Variants in BTN2A2 observed in about 807,000 individuals in gnomAD.
BTN2A2 encodes the protein butyrophilin 2.
Under a neutral mutation model 34.7 loss-of-function variants are expected in BTN2A2, and 29 were observed. The ratio of observed to expected loss-of-function variants is 0.84; its 90% CI spans 0.62 to 1.14. The LOEUF (loss-of-function observed/expected upper bound fraction) is 1.14. BTN2A2 is among the 50% of genes most tolerant of loss of function. The pLI is 0.00. For synonymous variants in BTN2A2, 240 were observed against 253.1 expected, an observed-to-expected ratio of 0.95 and a Z score of 0.49; for missense variants, 612 against 651.5, an observed-to-expected ratio of 0.94 and a Z score of 0.66.
Position 26,388,089 on chromosome 6 carries a change from G to T in BTN2A2, c.519G>T (p.Gly173=), listed in dbSNP as rs751253306. ...TCTGGCTGGAGTGCATATCTGGAGG[G>T]TGGTACCCAGAGCCCCTCACAGTGT... ...GSIWLECISG[G]WYPEPLTVWR... The change falls in exon 4 of 8, where the codon GGG becomes GGT. Residue 173 remains glycine (G), a synonymous_variant. Coordinates refer to ENST00000356709, the MANE Select transcript of BTN2A2 (RefSeq NM_006995.5). 1 of 1,614,098 alleles carries T rather than the reference G, an allele frequency of 6.2e-7. No individual in the cohort carries two copies. Among genetic ancestry groups the T allele is most frequent in the South Asian group, 1.1e-5 (1 of 91,078 alleles).
chr6:26,387,025 C>T (rs1316743369), intron 3 of BTN2A2, among the ~76,000 whole-genome samples: 6 of 152,204 alleles, frequency 3.9e-5, no homozygotes, highest in South Asian at 4.1e-4. Context: ...TGGATGATCA[C>T]GCATGGCTGA....
Position 26,393,255 on chromosome 6 carries a change from G to A in BTN2A2, c.*288G>A. 1 of 1,444,410 alleles carries A rather than the reference G, an allele frequency of 6.9e-7. No individual in the cohort carries two copies. Among genetic ancestry groups the A allele is most frequent in the Non-Finnish European group, 9.1e-7 (1 of 1,096,928 alleles). The allele number at this position is 1,444,410 out of a possible 1,614,324, so 89.5% of individuals were successfully genotyped here. On this transcript the variant is annotated 3_prime_UTR_variant, in exon 8 of 8. Coordinates refer to ENST00000356709, the MANE Select transcript of BTN2A2 (RefSeq NM_006995.5). The stretch of plus-strand genomic sequence containing the variant: ...AAAAGAAAGTGAGAGAAGCTGTTGG[G>A]CAGCGAACCTACTGTTTAAAATCAG...
At chr6:26,388,807 C>G (rs1028579563) in intron 4 of BTN2A2, among the ~76,000 whole-genome samples, 1 of 152,236 alleles carries the variant, frequency 6.6e-6, no homozygotes, top group Non-Finnish European at 1.5e-5. Flanking sequence ...AAATTTCTCT[C>G]CTCAAGGAGT....
chr6:26,385,249 G>A lies in BTN2A2; in HGVS notation c.329G>A (p.Gly110Asp). 5.0e-6 allele frequency: 8 copies of A among 1,614,172 alleles called. No homozygotes were observed. Among genetic ancestry groups the A allele is most frequent in the Non-Finnish European group, 6.8e-6 (8 of 1,180,034 alleles). The stretch of plus-strand genomic sequence containing the variant: ...TTTGTGAGCAAAGACATCAACAGGG[G>A]CAGCGTGGCCCTGGTCATACATAAC... Reference protein sequence around the residue: ...ITFVSKDINRGSVALVIHNVT... With the variant: ...ITFVSKDINRDSVALVIHNVT... The change falls in exon 3 of 8, where the codon GGC (glycine) becomes GAC (aspartate). Residue 110 changes from glycine (G) to aspartate (D), a missense_variant. Transcript: ENST00000356709.
rs1178072688 is a variant in BTN2A2 at position 26,383,595 on chromosome 6, C to G, written c.-30-197C>G. The G allele has an allele frequency of 1.8e-6, 1 of 548,676 alleles. No homozygotes were observed. Among genetic ancestry groups the G allele is most frequent in the South Asian group, 2.4e-5 (1 of 41,508 alleles). 34.0% of individuals were successfully genotyped at this position (548,676 alleles called of 1,614,324 possible). ...GAAGAGGAAGGAGGAAAACGGCCCC[C>G]TTGATCTCTGCATTGATGGCTTACT... On this transcript the variant is annotated intron_variant, in intron 1 of 7. Transcript: ENST00000356709. This position sits in a 1 kb window ranked among gnomAD's most constrained non-coding sequence, Gnocchi z 4.4.
intron 7 of BTN2A2, chr6:26,391,936 A>G (rs775373495): frequency 4.2e-5 from 19 of 452,396 alleles, no homozygotes; most frequent in Non-Finnish European, 7.2e-5. Context: ...GTAATGATAG[A>G]CTCACTTAAT....
In BTN2A2 at chr6:26,383,735, C is replaced by T. The variant is rs1761005907; in HGVS notation, c.-30-57C>T. 1 of 1,410,582 alleles carries T rather than the reference C, an allele frequency of 7.1e-7. No individual in the cohort carries two copies. Among genetic ancestry groups the T allele is most frequent in the South Asian group, 1.2e-5 (1 of 86,172 alleles). The allele number at this position is 1,410,582 out of a possible 1,614,324, so 87.4% of individuals were successfully genotyped here. A position where few individuals can be genotyped will look rare whatever the true frequency, so the allele number is the denominator to read the frequency against. ...CTTGAGTGACAGGAGAGGTTGGGCC[C>T]GACCAGCACTGAGGTGCCAAGACTC... On this transcript the variant is annotated intron_variant, in intron 1 of 7. Transcript: ENST00000356709. The surrounding 1 kb of genome is among the most constrained non-coding windows in gnomAD (Gnocchi z 4.4).
At chr6:26,388,403 C>A (rs1249020455) in intron 4 of BTN2A2, 109 bp downstream of exon 4, 38 of 1,315,240 alleles carry the variant, frequency 2.9e-5, no homozygotes, top group Admixed American at 5.8e-5. Context: ...TGGTCCTGGG[C>A]CCTGAGGAGC....
chr6:26,391,930 T>C, intron 7 of BTN2A2: 1 of 439,346 alleles, frequency 2.3e-6, no homozygotes, highest in Non-Finnish European at 4.2e-6. Context: ...CAGTGTGTAA[T>C]GATAGACTCA....
intron 6 of BTN2A2, 25 bp downstream of exon 6, chr6:26,390,732 C>G: frequency 3.1e-6 from 5 of 1,614,244 alleles, no homozygotes; most frequent in Non-Finnish European, 4.2e-6. Context: ...TCCTGAACTA[C>G]TCCGTGTACA....
Position 26,393,442 on chromosome 6 carries a change from C to A in BTN2A2, c.*475C>A. The A allele has an allele frequency of 2.8e-6, 3 of 1,080,626 alleles. No homozygotes were observed. Among genetic ancestry groups the A allele is most frequent in the Non-Finnish European group, 3.4e-6 (3 of 887,976 alleles). 66.9% of individuals were successfully genotyped at this position (1,080,626 alleles called of 1,614,324 possible). A position where few individuals can be genotyped will look rare whatever the true frequency, so the allele number is the denominator to read the frequency against. On this transcript the variant is annotated 3_prime_UTR_variant, in exon 8 of 8. Transcript: ENST00000356709. ...AGATCAGAGATAGAGGAAGTGGAAC[C>A]AGAGAGCTGGGAGGGACCAAGGTTG...
In BTN2A2 at chr6:26,392,842, T is replaced by C; in HGVS notation, c.1447T>C (p.Phe483Leu). Residue 483 changes from phenylalanine to leucine, a missense_variant, in exon 8 of 8, where the codon TTC becomes CTC. Phe to Leu is a conservative substitution (Grantham distance 22). Transcript: ENST00000356709. Reference sequence around the variant, plus strand: ...AGCCTTTACTGTGCCTGTGAGGCCCTTCTTCAGGTTAGGGTCTGATGACAG... The same window carrying C: ...AGCCTTTACTGTGCCTGTGAGGCCCCTCTTCAGGTTAGGGTCTGATGACAG... ...RSAFTVPVRP[F>L]FRLGSDDSPI... The C allele has an allele frequency of 6.2e-7, 1 of 1,614,212 alleles. No individual in the cohort carries two copies. The highest frequency in any genetic ancestry group is 8.5e-7 in the Non-Finnish European group (1 of 1,180,034).
chr6:26,392,273 G>T, intron 7 of BTN2A2, 102 bp from the exon 8 acceptor site: 1 of 1,586,918 alleles, frequency 6.3e-7, no homozygotes, highest in Non-Finnish European at 8.6e-7. Flanking sequence ...CCACTACATG[G>T]GGAACCCCCT....
intron 3 of BTN2A2, among the ~76,000 whole-genome samples, chr6:26,385,760 C>T (rs1761159564): frequency 6.6e-6 from 1 of 152,068 alleles, no homozygotes; most frequent in Non-Finnish European, 1.5e-5. Context: ...ACCATGTTGG[C>T]AGGCTGGTCT....
rs768159236 is a variant in BTN2A2 at position 26,390,783 on chromosome 6, C to T, written c.953-20C>T. ...ACTTAGCAGTGTCTCGTGACATTCA[C>T]CTCTGTCTGTCCCTTGCAGGATGGA... On this transcript the variant is annotated intron_variant, in intron 6 of 7. Coordinates refer to ENST00000356709, the MANE Select transcript of BTN2A2 (RefSeq NM_006995.5). The T allele has an allele frequency of 3.7e-6, 6 of 1,614,248 alleles. No individual in the cohort carries two copies. Among genetic ancestry groups the T allele is most frequent in the East Asian group, 2.2e-5 (1 of 44,892 alleles).
intron 5 of BTN2A2, 157 bp from the exon 6 acceptor site, chr6:26,390,530 C>T (rs575391671): frequency 6.1e-5 from 57 of 930,662 alleles, no homozygotes; most frequent in Non-Finnish European, 8.4e-5. Context: ...GCCATCTGAT[C>T]ATACATCATT....
At chr6:26,389,884 G>T in intron 4 of BTN2A2, 121 bp from the exon 5 acceptor site, 1 of 938,842 alleles carries the variant, frequency 1.1e-6, no homozygotes, top group Non-Finnish European at 1.6e-6. Flanking sequence ...TCCATCTAAG[G>T]TTTCTGAGGG....
chr6:26,385,468 G>T, intron 3 of BTN2A2, 106 bp downstream of exon 3: 1 of 1,138,986 alleles, frequency 8.8e-7, no homozygotes, highest in Non-Finnish European at 1.2e-6. Context: ...TCTATCTGGC[G>T]TCCCCTTTCC....
Position 26,385,135 on chromosome 6 carries a change from G to A in BTN2A2, c.215G>A (p.Arg72Gln), listed in dbSNP as rs747698008. The A allele has an allele frequency of 1.6e-5, 26 of 1,613,764 alleles. No individual in the cohort carries two copies. The highest frequency in any genetic ancestry group is 6.7e-5 in the Admixed American group (4 of 59,964). ...GAGGACATGGAGGTGCGGTGGTTCC[G>A]GTCTCAGTTCTCCCCCGCAGTGTTT... ...NAEDMEVRWFRSQFSPAVFVY... is the reference protein window; with the variant it reads ...NAEDMEVRWFQSQFSPAVFVY... Residue 72 changes from arginine to glutamine, a missense_variant, in exon 3 of 8, where the codon CGG becomes CAG. Coordinates refer to ENST00000356709, the MANE Select transcript of BTN2A2 (RefSeq NM_006995.5).
Sources: gnomAD v4.1 joint callset for allele counts (sites outside exome capture counted in the v4.1 genomes callset) on GRCh38, gnomAD v4.1.1 for gene constraint, Gnocchi (gnomAD v3.1) non-coding constraint, MANE v1.5 for transcripts, NCBI Gene and HGNC (gene_info 2026-07-23, HGNC 2026-07-21) for gene names.